The following CEP44 variants were observed in gnomAD, a reference collection of about 807,000 sequenced individuals.
CEP44 encodes the protein centrosomal protein 44.
In CEP44, 45 loss-of-function variants were observed where a neutral mutation model predicts 46.7. The observed-to-expected ratio is 0.96, with a 90% confidence interval of 0.76 to 1.24. The LOEUF (loss-of-function observed/expected upper bound fraction) is 1.24, where lower values mean the gene tolerates loss of function less well. CEP44 is among the 50% of genes most tolerant of loss of function. The pLI is 0.00. For synonymous variants in CEP44, 142 were observed against 146.0 expected, an observed-to-expected ratio of 0.97 and a Z score of 0.20; for missense variants, 475 against 459.7, an observed-to-expected ratio of 1.03 and a Z score of -0.30.
In CEP44 at chr4:174,308,731, G is replaced by A; in HGVS notation, c.550G>A (p.Val184Ile). 6.2e-7 allele frequency: 1 copy of A among 1,612,678 alleles called. No homozygotes were observed. Among genetic ancestry groups the A allele is most frequent in the Non-Finnish European group, 8.5e-7 (1 of 1,178,990 alleles). ...VIRHLYNEDN[V>I]DISEDTLSPI... ...TCGTCACTTGTATAATGAAGATAATGTTGACATTTCTGAGGATACATTAAG... is the reference window on the plus strand; with the variant it reads ...TCGTCACTTGTATAATGAAGATAATATTGACATTTCTGAGGATACATTAAG... Residue 184 changes from valine (V) to isoleucine (I), a missense_variant, in exon 7 of 12, where the codon GTT becomes ATT. Transcript: ENST00000503780.
At chr4:174,293,308 T>C (rs1394136642) in intron 1 of CEP44, among the ~76,000 whole-genome samples, 1 of 152,178 alleles carries the variant, frequency 6.6e-6, no homozygotes, top group Admixed American at 6.5e-5. Flanking sequence ...TGATTCTGCC[T>C]TCTCAAAATG....
chr4:174,316,296 A>G lies in CEP44; in HGVS notation c.1086+6A>G, dbSNP rs1292580063. On this transcript the variant is annotated splice_donor_region_variant and intron_variant, in intron 10 of 11. Coordinates refer to ENST00000503780, the MANE Select transcript of CEP44 (RefSeq NM_001040157.3). The stretch of plus-strand genomic sequence containing the variant: ...GTTTGAATGAGATTTCAGAGGTAAG[A>G]AAATGCTTAGATTATTTCCTTTCTA... The G allele has an allele frequency of 6.2e-7, 1 of 1,606,784 alleles. No individual in the cohort carries two copies. Among genetic ancestry groups the G allele is most frequent in the Admixed American group, 1.7e-5 (1 of 59,566 alleles).
intron 9 of CEP44, 91 bp from the exon 10 acceptor site, chr4:174,316,075 G>C: frequency 1.4e-6 from 2 of 1,452,246 alleles, no homozygotes; most frequent in Non-Finnish European, 9.4e-7. Context: ...AATTAAAATA[G>C]TATGTTTTTC....
chr4:174,289,836 C>T, intron 1 of CEP44, among the ~76,000 whole-genome samples: 1 of 150,216 alleles, frequency 6.7e-6, no homozygotes, highest in African/African-American at 2.4e-5. Context: ...TTTATTGAGA[C>T]CTTTTTTTTT....
intron 9 of CEP44, among the ~76,000 whole-genome samples, chr4:174,315,819 C>T (rs1306654286): frequency 3.1e-5 from 4 of 128,192 alleles, no homozygotes; most frequent in East Asian, 2.3e-4. Flanking sequence ...CCTGCCTGGG[C>T]GACAGAGCGA....
chr4:174,321,900 G>A (rs1002201711), downstream of CEP44, among the ~76,000 whole-genome samples: 1 of 152,116 alleles, frequency 6.6e-6, no homozygotes, highest in Non-Finnish European at 1.5e-5. Context: ...AGAGCGAGAG[G>A]AGAGGAAAAC....
rs750713311 is a variant in CEP44 at position 174,310,016 on chromosome 4, G to A, written c.845G>A (p.Arg282His). ...DENTWTNLLSRVTLLETEMLL... is the reference protein window; with the variant it reads ...DENTWTNLLSHVTLLETEMLL... ...AACACCTGGACTAATCTTCTTAGTC[G>A]TGTCACTCTTCTTGAAACAGAAATG... The change falls in exon 8 of 12, where the codon CGT (arginine) becomes CAT (histidine). Residue 282 changes from arginine to histidine, a missense_variant. Transcript: ENST00000503780. The surrounding 1 kb of genome is among the most constrained non-coding windows in gnomAD (Gnocchi z 4.2). 1.1e-5 allele frequency: 17 copies of A among 1,612,274 alleles called. No individual in the cohort carries two copies. Among genetic ancestry groups the A allele is most frequent in the Admixed American group, 6.7e-5 (4 of 59,850 alleles).
In CEP44 at chr4:174,317,634, C is replaced by G. The variant is rs187874387; in HGVS notation, c.*251C>G. On this transcript the variant is annotated 3_prime_UTR_variant, in exon 12 of 12. Coordinates refer to ENST00000503780, the MANE Select transcript of CEP44 (RefSeq NM_001040157.3). Reference sequence around the variant, plus strand: ...CTCATGTTCCAGTATATTTCTCTTACAGAGTGAAGTCATTACAGCACTGTA... The same window carrying G: ...CTCATGTTCCAGTATATTTCTCTTAGAGAGTGAAGTCATTACAGCACTGTA... 9.5e-7 allele frequency: 1 copy of G among 1,050,942 alleles called. No individual in the cohort carries two copies. The highest frequency in any genetic ancestry group is 6.9e-5 in the East Asian group (1 of 14,514). The allele number at this position is 1,050,942 out of a possible 1,614,324, so 65.1% of individuals were successfully genotyped here. A position where few individuals can be genotyped will look rare whatever the true frequency, so the allele number is the denominator to read the frequency against.
At position 174,304,325 on chromosome 4, in the gene CEP44, G is replaced by C; in HGVS notation, c.463G>C (p.Ala155Pro). ...PLGNEKISAE[A>P]VGVDISGRFM... ...GGGCAATGAGAAAATATCTGCAGAG[G>C]CTGTTGGCGTTGATATCAGTGGCAG... The change falls in exon 6 of 12, where the codon GCT becomes CCT. Residue 155 changes from alanine (A) to proline (P), a missense_variant. Transcript: ENST00000503780. 6.2e-7 allele frequency: 1 copy of C among 1,611,714 alleles called. No individual in the cohort carries two copies. The highest frequency in any genetic ancestry group is 8.5e-7 in the Non-Finnish European group (1 of 1,179,338).
chr4:174,303,102 C>G (rs912556454), intron 4 of CEP44, among the ~76,000 whole-genome samples: 1 of 152,070 alleles, frequency 6.6e-6, no homozygotes, highest in East Asian at 1.9e-4. Flanking sequence ...TTAAAAAAAG[C>G]AGAGTTGCAG....
Position 174,311,396 on chromosome 4 carries a change from G to C in CEP44, c.961+538G>C, listed in dbSNP as rs952634909. On this transcript the variant is annotated intron_variant, in intron 9 of 11. Coordinates refer to ENST00000503780, the MANE Select transcript of CEP44 (RefSeq NM_001040157.3). The surrounding 1 kb of genome is among the most constrained non-coding windows in gnomAD (Gnocchi z 4.4). ...ACTGAGCAGCAAGGGTAAGATTTCTGTTTTTCAGTGACAGCTTTGTTTTGA... is the reference window on the plus strand; with the variant it reads ...ACTGAGCAGCAAGGGTAAGATTTCTCTTTTTCAGTGACAGCTTTGTTTTGA... Among the ~76,000 whole-genome samples, 6 of 151,926 alleles carry C rather than the reference G, an allele frequency of 3.9e-5. No homozygotes were observed. The highest frequency in any genetic ancestry group is 3.9e-4 in the Admixed American group (6 of 15,250).
chr4:174,289,585 A>G (rs1737945543), intron 1 of CEP44, among the ~76,000 whole-genome samples: 1 of 151,860 alleles, frequency 6.6e-6, no homozygotes, highest in Non-Finnish European at 1.5e-5. Context: ...TGTGGGATCA[A>G]TTGTGTCCTC....
intron 8 of CEP44, among the ~76,000 whole-genome samples, chr4:174,330,534 T>C (rs1168963977): frequency 6.6e-6 from 1 of 152,134 alleles, no homozygotes; most frequent in Non-Finnish European, 1.5e-5. Flanking sequence ...TTTTATTCTT[T>C]TCATGGAAAT....
intron 1 of CEP44, among the ~76,000 whole-genome samples, chr4:174,294,787 G>A (rs571812663): frequency 2.7e-4 from 38 of 141,950 alleles, no homozygotes; most frequent in African/African-American, 9.4e-4. Context: ...CGGACGGTGC[G>A]GCTGGCCGGG....
In CEP44 at chr4:174,314,477, A is replaced by G. The variant is rs1172103621; in HGVS notation, c.962-1689A>G. Among the ~76,000 whole-genome samples the G allele has an allele frequency of 6.6e-6, 1 of 152,200 alleles. No individual in the cohort carries two copies. The highest frequency in any genetic ancestry group is 1.9e-4 in the East Asian group (1 of 5,198). ...TCTGGAATCCTCTGTAGGAATAACT[A>G]TGAATAGCCTGCCAGCCTGCCAAAT... On this transcript the variant is annotated intron_variant, in intron 9 of 11. Transcript: ENST00000503780. This position sits in a 1 kb window ranked among gnomAD's most constrained non-coding sequence, Gnocchi z 4.1.
rs761455443 is a variant in CEP44, at chr4:174,290,238, G to A, written c.-148+6295G>A. On this transcript the variant is annotated intron_variant, in intron 1 of 11. Coordinates refer to ENST00000503780, the MANE Select transcript of CEP44 (RefSeq NM_001040157.3). The surrounding 1 kb of genome is among the most constrained non-coding windows in gnomAD (Gnocchi z 4.3). Reference sequence around the variant, plus strand: ...CATCCTATATGTTTGGGTATACTGTGTTTTTATTATTGTTTGTCTTGAGAT... The same window carrying A: ...CATCCTATATGTTTGGGTATACTGTATTTTTATTATTGTTTGTCTTGAGAT... Among the ~76,000 whole-genome samples the A allele has an allele frequency of 1.3e-5, 2 of 151,636 alleles. No individual in the cohort carries two copies. The highest frequency in any genetic ancestry group is 2.4e-5 in the African/African-American group (1 of 41,308).
intron 6 of CEP44, among the ~76,000 whole-genome samples, chr4:174,305,807 A>C (rs2126610501): frequency 6.6e-6 from 1 of 152,326 alleles, no homozygotes; most frequent in East Asian, 1.9e-4. Context: ...GCACTTATTA[A>C]TTATTTATTG....
chr4:174,310,294 A>T lies in CEP44; in HGVS notation c.885+238A>T. On this transcript the variant is annotated intron_variant, in intron 8 of 11. Coordinates refer to ENST00000503780, the MANE Select transcript of CEP44 (RefSeq NM_001040157.3). The surrounding 1 kb of genome is among the most constrained non-coding windows in gnomAD (Gnocchi z 4.2). ...GTCAGTTGAGCTTTTACAGATGTTA[A>T]TAATGCTTGAAGAATTTAAAATGAG... 6.6e-6 allele frequency among the ~76,000 whole-genome samples: 1 copy of T among 152,168 alleles called. No individual in the cohort carries two copies. The highest frequency in any genetic ancestry group is 1.9e-4 in the East Asian group (1 of 5,190).
chr4:174,333,095 G>A (rs955039051), exon 9 of CEP44: 2 of 151,930 alleles, frequency 1.3e-5, no homozygotes, highest in Admixed American at 6.6e-5. Flanking sequence ...ATCACTTTTA[G>A]TGGGCATTTT....
Sources: gnomAD v4.1 joint callset for allele counts (sites outside exome capture counted in the v4.1 genomes callset) on GRCh38, gnomAD v4.1.1 for gene constraint, Gnocchi (gnomAD v3.1) non-coding constraint, MANE v1.5 for transcripts, NCBI Gene and HGNC (gene_info 2026-07-23, HGNC 2026-07-21) for gene names.